Variants in PCDHGA3 observed in about 807,000 individuals in gnomAD.
The protein encoded by PCDHGA3 is protocadherin gamma-A3.
PCDHGA3 carries 40 observed loss-of-function variants against 58.5 expected under a neutral mutation model. That is an observed-to-expected ratio of 0.68 (90% CI 0.53 to 0.89). The LOEUF is 0.89. Ranked by LOEUF, PCDHGA3 falls within the 40% of genes least tolerant of loss-of-function variation. The probability of loss-of-function intolerance (pLI) is 0.00; values close to 1 mark genes in which losing one functional copy is unlikely to be tolerated. For synonymous variants in PCDHGA3, 530 were observed against 525.7 expected, an observed-to-expected ratio of 1.01 and a Z score of -0.11; for missense variants, 1,223 against 1,195.9, an observed-to-expected ratio of 1.02 and a Z score of -0.33.
chr5:141,375,828 C>T, intron 1 of PCDHGA3: 1 of 1,614,168 alleles, frequency 6.2e-7, no homozygotes. Context: ...CCCCGCTCCG[C>T]AGAGCCCGGC....
chr5:141,418,875 A>G (rs2097697666), intron 1 of PCDHGA3: 1 of 1,613,926 alleles, frequency 6.2e-7, no homozygotes, highest in African/African-American at 1.3e-5. Flanking sequence ...GAAGTTGTAG[A>G]CGAAAACGAC....
rs151119016 is a variant in PCDHGA3, at chr5:141,489,949, G to C, written c.2425-4858G>C. On this transcript the variant is annotated intron_variant, in intron 1 of 3. Transcript: ENST00000253812. The surrounding 1 kb of genome is among the most constrained non-coding windows in gnomAD (Gnocchi z 4.5). ...CTCTGTCATCGTGCTGGACATCAAT[G>C]ATAATGCTCCAACCTTCCAATCCTC... is the stretch of plus-strand genomic sequence containing the variant. 1 of 1,614,198 alleles carries C rather than the reference G, an allele frequency of 6.2e-7. No individual in the cohort carries two copies. Among genetic ancestry groups the C allele is most frequent in the Non-Finnish European group, 8.5e-7 (1 of 1,180,028 alleles).
At chr5:141,460,983 G>GTGTA (rs1554142949) in intron 1 of PCDHGA3, among the ~76,000 whole-genome samples, 1,579 of 137,794 alleles carry the variant, frequency 0.011, 39 homozygotes, top group African/African-American at 0.038. Context: ...GTGTGTGTGT[G>GTGTA]TATATATATA....
intron 1 of PCDHGA3, chr5:141,352,600 T>A: frequency 6.2e-7 from 1 of 1,613,818 alleles, no homozygotes; most frequent in South Asian, 1.1e-5. Flanking sequence ...TGTGTGATGA[T>A]CCTTCTATGG....
chr5:141,487,256 G>A lies in PCDHGA3; in HGVS notation c.2425-7551G>A. ...ATCTCGTCTAACCCTCTACTTGGCTGTGTCCCTAGTGGCAATTTGCTTTGT... is the reference window on the plus strand; with the variant it reads ...ATCTCGTCTAACCCTCTACTTGGCTATGTCCCTAGTGGCAATTTGCTTTGT... On this transcript the variant is annotated intron_variant, in intron 1 of 3. Transcript: ENST00000253812. The surrounding 1 kb of genome is among the most constrained non-coding windows in gnomAD (Gnocchi z 5.0). The A allele has an allele frequency of 6.2e-7, 1 of 1,614,166 alleles. No individual in the cohort carries two copies. The highest frequency in any genetic ancestry group is 8.5e-7 in the Non-Finnish European group (1 of 1,180,032).
chr5:141,468,360 A>T (rs1249822461), intron 1 of PCDHGA3: 1 of 151,938 alleles, frequency 6.6e-6, no homozygotes, highest in East Asian at 1.9e-4. Flanking sequence ...GAAAGAAAAA[A>T]GAAATAACTC....
intron 1 of PCDHGA3, among the ~76,000 whole-genome samples, chr5:141,353,928 C>T (rs1759418004): frequency 6.6e-6 from 1 of 152,160 alleles, no homozygotes; most frequent in Non-Finnish European, 1.5e-5. Context: ...TGAGTCATTT[C>T]TACTGCTAAT....
chr5:141,372,755 G>A (rs942442162), intron 1 of PCDHGA3: 3 of 1,613,064 alleles, frequency 1.9e-6, no homozygotes, highest in Middle Eastern at 1.6e-4. Context: ...AAGCCTCTTG[G>A]TTTGAAAGTA....
At chr5:141,357,835 A>G in intron 1 of PCDHGA3, 1 of 654,218 alleles carries the variant, frequency 1.5e-6, no homozygotes, top group South Asian at 2.1e-5. Context: ...GTCTTCATTC[A>G]GTTGTAGTTT....
intron 1 of PCDHGA3, chr5:141,361,738 C>G (rs1860251): frequency 2.5e-6 from 4 of 1,613,022 alleles, no homozygotes; most frequent in Non-Finnish European, 3.4e-6. Flanking sequence ...ACTGCAGGCC[C>G]GCGACCAGGG....
At chr5:141,388,401 A>G (rs1243768242) in intron 1 of PCDHGA3, 1 of 1,613,908 alleles carries the variant, frequency 6.2e-7, no homozygotes, top group Non-Finnish European at 8.5e-7. Context: ...TTACCAACTC[A>G]GTCCCAGTGA....
At chr5:141,458,319 T>C (rs2879229) in intron 1 of PCDHGA3, among the ~76,000 whole-genome samples, 84,591 of 151,864 alleles carry the variant, frequency 0.56, 26,265 homozygotes, top group African/African-American at 0.85. Flanking sequence ...CACAGACACA[T>C]GTGGAGTGGT....
At chr5:141,437,529 C>T (rs1205365959) in intron 1 of PCDHGA3, among the ~76,000 whole-genome samples, 1 of 152,102 alleles carries the variant, frequency 6.6e-6, no homozygotes, top group African/African-American at 2.4e-5. Flanking sequence ...GACAAATGAG[C>T]AAATTGTATC....
intron 1 of PCDHGA3, chr5:141,409,428 C>T (rs2095264686): frequency 6.2e-7 from 1 of 1,613,870 alleles, no homozygotes; most frequent in Admixed American, 1.7e-5. Context: ...ACAGATGGAG[C>T]CCTGGACCGA....
intron 1 of PCDHGA3, chr5:141,352,409 C>T: frequency 6.2e-7 from 1 of 1,614,046 alleles, no homozygotes; most frequent in African/African-American, 1.3e-5. Flanking sequence ...TTCCTCCAGC[C>T]TCGACACTGA....
chr5:141,409,351 G>T, intron 1 of PCDHGA3: 1 of 1,613,982 alleles, frequency 6.2e-7, no homozygotes, highest in South Asian at 1.1e-5. Flanking sequence ...GAGAAGTCAG[G>T]TGTAATATAG....
chr5:141,478,376 C>T, intron 1 of PCDHGA3: 4 of 1,613,672 alleles, frequency 2.5e-6, no homozygotes, highest in Non-Finnish European at 3.4e-6. Flanking sequence ...CCTGATGTCG[C>T]CGCACCTTTA....
intron 1 of PCDHGA3, chr5:141,410,350 A>G (rs2154543015): frequency 1.2e-6 from 2 of 1,613,912 alleles, no homozygotes; most frequent in South Asian, 1.1e-5. Context: ...TGCGCCTGCG[A>G]CGCTCTCTCA....
chr5:141,449,592 A>C (rs1344646010), intron 1 of PCDHGA3, among the ~76,000 whole-genome samples: 1 of 150,266 alleles, frequency 6.7e-6, no homozygotes, highest in African/African-American at 2.4e-5. Context: ...CTGTCTCAAA[A>C]AAAAAAAAAA....
Sources: gnomAD v4.1 joint callset for allele counts (sites outside exome capture counted in the v4.1 genomes callset) on GRCh38, gnomAD v4.1.1 for gene constraint, Gnocchi (gnomAD v3.1) non-coding constraint, MANE v1.5 for transcripts, NCBI Gene and HGNC (gene_info 2026-07-23, HGNC 2026-07-21) for gene names.